ANK3: variants seen among roughly 807,000 people sequenced by gnomAD.
ANK3 encodes ankyrin-3.
ANK3 carries 57 observed loss-of-function variants against 370.9 expected under a neutral mutation model. That is an observed-to-expected ratio of 0.15 (90% CI 0.12 to 0.19). The LOEUF (loss-of-function observed/expected upper bound fraction) is 0.19. Among genes scored for constraint, ANK3 ranks in the 10% least tolerant of loss-of-function variants. ANK3 has a pLI of 1.00. For missense variants in ANK3, 4,439 were observed against 5,302.1 expected, an observed-to-expected ratio of 0.84 and a Z score of 5.06; for synonymous variants, 1,929 against 1,946.3, an observed-to-expected ratio of 0.99 and a Z score of 0.23.
At chr10:60,504,463 T>C (rs1171348448) in intron 2 of ANK3, among the ~76,000 whole-genome samples, 2 of 152,320 alleles carry the variant, frequency 1.3e-5, no homozygotes, top group Admixed American at 6.5e-5. Flanking sequence ...TAAAGACTTA[T>C]TGGGTAGGAA....
chr10:60,714,354 G>A (rs185565132), intron 1 of ANK3, among the ~76,000 whole-genome samples: 1 of 152,184 alleles, frequency 6.6e-6, no homozygotes, highest in African/African-American at 2.4e-5. Flanking sequence ...TCTTTTCCAG[G>A]AAACAGAAGC....
At chr10:60,601,781 G>A (rs2078068101) in intron 2 of ANK3, among the ~76,000 whole-genome samples, 1 of 152,130 alleles carries the variant, frequency 6.6e-6, no homozygotes, top group Non-Finnish European at 1.5e-5. Flanking sequence ...AATAGAAGAT[G>A]TTTACAATAG....
chr10:60,437,943 C>G (rs762546569), intron 2 of ANK3, among the ~76,000 whole-genome samples: 3 of 152,108 alleles, frequency 2.0e-5, no homozygotes, highest in Non-Finnish European at 4.4e-5. Flanking sequence ...CTTATACACT[C>G]CAAAACTCTA....
chr10:60,199,107 G>A (rs1190347855), intron 13 of ANK3, among the ~76,000 whole-genome samples: 5 of 152,108 alleles, frequency 3.3e-5, no homozygotes, highest in Non-Finnish European at 7.3e-5. Context: ...CTAAACTGGA[G>A]AGCCACCTCA....
chr10:60,663,298 A>G (rs1373705468), intron 1 of ANK3, among the ~76,000 whole-genome samples: 2 of 152,238 alleles, frequency 1.3e-5, no homozygotes, highest in African/African-American at 4.8e-5. Flanking sequence ...AGGCAGAGGC[A>G]GATTCCACTG....
intron 2 of ANK3, among the ~76,000 whole-genome samples, chr10:60,467,175 C>A (rs2065029769): frequency 6.6e-6 from 1 of 152,134 alleles, no homozygotes; most frequent in South Asian, 2.1e-4. Flanking sequence ...TTGGCTGACT[C>A]AAAATGCAAT....
intron 10 of ANK3, among the ~76,000 whole-genome samples, chr10:60,207,031 G>GA (rs1379326784): frequency 6.6e-6 from 1 of 151,984 alleles, no homozygotes; most frequent in African/African-American, 2.4e-5. Context: ...TTCTTGTATG[G>GA]AAAAAAGAGT....
At chr10:60,246,406 T>C (rs1384286949) in intron 7 of ANK3, among the ~76,000 whole-genome samples, 3 of 152,210 alleles carry the variant, frequency 2.0e-5, no homozygotes, top group Middle Eastern at 6.8e-3. Context: ...TTTTGCTAAC[T>C]GTTTGCTTAT....
chr10:60,423,621 A>G (rs1210136269), intron 2 of ANK3, among the ~76,000 whole-genome samples: 1 of 151,986 alleles, frequency 6.6e-6, no homozygotes, highest in Non-Finnish European at 1.5e-5. Flanking sequence ...AAGTTCTTGT[A>G]TATCCTTATT....
At chr10:60,648,153 T>A (rs1489265279) in intron 1 of ANK3, among the ~76,000 whole-genome samples, 1 of 80,834 alleles carries the variant, frequency 1.2e-5, no homozygotes, top group African/African-American at 4.1e-5. Flanking sequence ...CCTCTTTTTT[T>A]TTTCCTTTTT....
intron 1 of ANK3, among the ~76,000 whole-genome samples, chr10:60,309,084 A>G (rs2045803765): frequency 6.6e-6 from 1 of 152,236 alleles, no homozygotes; most frequent in Non-Finnish European, 1.5e-5. Context: ...GATACAAAAG[A>G]ATAAATCATG....
intron 1 of ANK3, among the ~76,000 whole-genome samples, chr10:60,631,660 A>T (rs1392744843): frequency 6.6e-6 from 1 of 152,180 alleles, no homozygotes; most frequent in Non-Finnish European, 1.5e-5. Flanking sequence ...TATACACGGA[A>T]ATTGTTAAAT....
chr10:60,697,282 T>C (rs1286381925), intron 1 of ANK3, among the ~76,000 whole-genome samples: 2 of 151,652 alleles, frequency 1.3e-5, no homozygotes, highest in Non-Finnish European at 2.9e-5. Flanking sequence ...GAACATTCCA[T>C]GCTCATGGGT....
intron 1 of ANK3, among the ~76,000 whole-genome samples, chr10:60,287,433 C>T (rs1273625033): frequency 6.6e-6 from 1 of 152,136 alleles, no homozygotes; most frequent in East Asian, 1.9e-4. Context: ...ACTAGTTACT[C>T]TGCTGGAAGC....
At chr10:60,167,936 G>C (rs559452437) in intron 21 of ANK3, among the ~76,000 whole-genome samples, 1 of 152,218 alleles carries the variant, frequency 6.6e-6, no homozygotes, top group South Asian at 2.1e-4. Flanking sequence ...TTTTAGAAGA[G>C]GTTGAGATTT....
chr10:60,076,657 A>T (rs201516033), intron 36 of ANK3, among the ~76,000 whole-genome samples: 1 of 151,826 alleles, frequency 6.6e-6, no homozygotes, highest in Non-Finnish European at 1.5e-5. Flanking sequence ...TGAAGTTAAA[A>T]AAAAACAACT....
At chr10:60,147,695 A>G (rs1590830854) in intron 23 of ANK3, among the ~76,000 whole-genome samples, 1 of 150,826 alleles carries the variant, frequency 6.6e-6, no homozygotes, top group African/African-American at 2.4e-5. Flanking sequence ...GGTGAGGGGC[A>G]CCTCCCCTTC....
rs141741941 is a variant in ANK3 at position 60,158,685 on chromosome 10, C to CTTTTTTTTCTTT, written c.2614+7905_2614+7906insAAAGAAAAAAAA. On this transcript the variant is annotated intron_variant, in intron 23 of 43. Coordinates refer to ENST00000280772, the MANE Select transcript of ANK3 (RefSeq NM_020987.5). ...TACTACAAGAGAAAGCACTTTTTTT[C>CTTTTTTTTCTTT]TTTTTTTTGAGACAGAATCTCATTC... 7.2e-4 allele frequency among the ~76,000 whole-genome samples: 96 copies of CTTTTTTTTCTTT among 132,754 alleles called. 1 individual carries two copies. The highest frequency in any genetic ancestry group is 2.7e-3 in the African/African-American group (91 of 34,240). The allele number at this position is 132,754 out of a possible 152,430, so 87.1% of individuals were successfully genotyped here.
intron 11 of ANK3, among the ~76,000 whole-genome samples, chr10:60,204,338 C>G (rs1213828757): frequency 6.6e-6 from 1 of 152,136 alleles, no homozygotes; most frequent in Admixed American, 6.5e-5. Context: ...TGGACATTTA[C>G]TCAAACATCA....
Sources: gnomAD v4.1 joint callset for allele counts (sites outside exome capture counted in the v4.1 genomes callset) on GRCh38, gnomAD v4.1.1 for gene constraint, MANE v1.5 for transcripts, NCBI Gene and HGNC (gene_info 2026-07-23, HGNC 2026-07-21) for gene names.